Variants in GABRB2 observed in about 807,000 individuals in gnomAD.
GABRB2 encodes the protein gamma-aminobutyric acid type A receptor subunit beta2.
A neutral mutation model predicts 54.7 loss-of-function variants in GABRB2; 16 were observed. The ratio of observed to expected loss-of-function variants is 0.29; its 90% CI spans 0.20 to 0.44. GABRB2 has a LOEUF of 0.44. Ranked by LOEUF, GABRB2 falls within the 20% of genes least tolerant of loss-of-function variation. The pLI, the probability that GABRB2 is intolerant of heterozygous loss-of-function variation, is 1.00. For missense variants in GABRB2, 355 were observed against 644.0 expected (o/e 0.55, Z 4.86); for synonymous variants, 244 against 233.8 (o/e 1.04, Z -0.40).
At chr5:161,493,890 C>T (rs553368004) in intron 3 of GABRB2, among the ~76,000 whole-genome samples, 13 of 151,646 alleles carry the variant, frequency 8.6e-5, no homozygotes, top group Admixed American at 1.3e-4. Flanking sequence ...AATGCATTTG[C>T]TAATGTTGAA....
chr5:161,294,910 A>T (rs537327053), intron 9 of GABRB2, among the ~76,000 whole-genome samples: 1 of 152,354 alleles, frequency 6.6e-6, no homozygotes, highest in East Asian at 1.9e-4. Flanking sequence ...ACTATCAAGT[A>T]CTTGCCATTT....
At chr5:161,411,130 T>G (rs1756506718) in intron 4 of GABRB2, 73 bp from the exon 5 acceptor site, 1 of 1,137,142 alleles carries the variant, frequency 8.8e-7, no homozygotes, top group Non-Finnish European at 1.3e-6. Flanking sequence ...AATCTAAGTA[T>G]CAAAGAAGAG....
At chr5:161,469,558 A>G (rs1758378285) in intron 3 of GABRB2, among the ~76,000 whole-genome samples, 2 of 152,016 alleles carry the variant, frequency 1.3e-5, no homozygotes, top group Admixed American at 1.3e-4. Flanking sequence ...AACAACAAAA[A>G]AGGCAACCTA....
At chr5:161,457,380 T>C (rs1439402358) in intron 4 of GABRB2, among the ~76,000 whole-genome samples, 2 of 152,154 alleles carry the variant, frequency 1.3e-5, no homozygotes, top group Non-Finnish European at 2.9e-5. Flanking sequence ...GTTTGATTAA[T>C]GACTTAATGA....
At chr5:161,513,386 C>T (rs1296536583) in intron 3 of GABRB2, among the ~76,000 whole-genome samples, 1 of 151,954 alleles carries the variant, frequency 6.6e-6, no homozygotes, top group Non-Finnish European at 1.5e-5. Context: ...AACCTAAGTG[C>T]CCATCAACAG....
intron 3 of GABRB2, among the ~76,000 whole-genome samples, chr5:161,495,488 A>AT (rs959163058): frequency 6.6e-6 from 1 of 151,992 alleles, no homozygotes; most frequent in African/African-American, 2.4e-5. Flanking sequence ...TTTTTTAATG[A>AT]TTTTTTTCTA....
chr5:161,336,648 C>G lies in GABRB2; in HGVS notation c.663G>C (p.Lys221Asn), dbSNP rs777977171. The change falls in exon 6 of 10, where the codon AAG becomes AAC. Residue 221 changes from lysine (K) to asparagine (N), a missense_variant. Physicochemically the swap from Lys to Asn is moderately conservative, Grantham distance 94 (BLOSUM62 0). Transcript: ENST00000393959. ...GATACAAACCTGTGGAAAAAACAAC[C>G]TTCTTGGTGATAAGTTTGTAATCTA... ...SIVDYKLITK[K>N]VVFSTGSYPR... 1.9e-6 allele frequency: 3 copies of G among 1,613,008 alleles called. No homozygotes were observed. The highest frequency in any genetic ancestry group is 2.5e-6 in the Non-Finnish European group (3 of 1,179,476).
intron 3 of GABRB2, among the ~76,000 whole-genome samples, chr5:161,484,502 G>T (rs1012433146): frequency 2.0e-5 from 3 of 151,872 alleles, no homozygotes; most frequent in African/African-American, 7.2e-5. Flanking sequence ...GGGGAGAAAG[G>T]CCTCCAACAG....
chr5:161,459,896 G>C (rs1305160894), intron 3 of GABRB2, 52 bp from the exon 4 acceptor site: 7 of 1,043,196 alleles, frequency 6.7e-6, no homozygotes, highest in Non-Finnish European at 8.8e-6. Context: ...GACAGATCTG[G>C]GGGATAAGCA....
In GABRB2 at chr5:161,545,437, TA is replaced by T. The variant is rs56952727; in HGVS notation, c.170-144del. ...TTTTTCAATTCTCTGCTTTTTTTGT[TA>T]AAAAAAAAAAAAAAAAAGGTAGCAG... On this transcript the variant is annotated intron_variant, in intron 2 of 9. Coordinates refer to ENST00000393959, the MANE Select transcript of GABRB2 (RefSeq NM_001371727.1). 0.28 allele frequency: 91,837 copies of T among 322,464 alleles called. 6,788 individuals are homozygous for T. The highest frequency in any genetic ancestry group is 0.39 in the Admixed American group (7,627 of 19,338). 20.0% of individuals were successfully genotyped at this position (322,464 alleles called of 1,614,324 possible).
chr5:161,499,696 A>T (rs1363893390), intron 3 of GABRB2, among the ~76,000 whole-genome samples: 2 of 152,222 alleles, frequency 1.3e-5, no homozygotes, highest in African/African-American at 4.8e-5. Context: ...CAAGTAATTT[A>T]TCACAATCCC....
At chr5:161,441,754 T>C (rs998928443) in intron 4 of GABRB2, among the ~76,000 whole-genome samples, 8 of 152,194 alleles carry the variant, frequency 5.3e-5, no homozygotes, top group Admixed American at 3.9e-4. Flanking sequence ...CTATAAACAA[T>C]AGAGTCCTAT....
intron 4 of GABRB2, among the ~76,000 whole-genome samples, chr5:161,412,728 G>A (rs574116270): frequency 5.3e-5 from 8 of 151,992 alleles, no homozygotes; most frequent in Non-Finnish European, 5.9e-5. Flanking sequence ...CCTAGAACAC[G>A]TGTCTCCCTG....
At chr5:161,483,617 G>C (rs1042312940) in intron 3 of GABRB2, among the ~76,000 whole-genome samples, 4 of 151,948 alleles carry the variant, frequency 2.6e-5, no homozygotes, top group African/African-American at 9.7e-5. Context: ...TTCTGGTTCA[G>C]AAAGGCCTAC....
chr5:161,444,604 T>C (rs2016479933), intron 4 of GABRB2, among the ~76,000 whole-genome samples: 1 of 152,172 alleles, frequency 6.6e-6, no homozygotes, highest in Non-Finnish European at 1.5e-5. Flanking sequence ...TGCACTTAAT[T>C]TATAATTTGG....
intron 8 of GABRB2, among the ~76,000 whole-genome samples, chr5:161,327,516 C>T (rs1350766417): frequency 6.6e-6 from 1 of 151,990 alleles, no homozygotes; most frequent in Non-Finnish European, 1.5e-5. Flanking sequence ...GGCACATAGG[C>T]TTTTACGTCA....
chr5:161,487,578 A>G (rs1057325471), intron 3 of GABRB2, among the ~76,000 whole-genome samples: 2 of 151,930 alleles, frequency 1.3e-5, no homozygotes, highest in African/African-American at 4.8e-5. Context: ...CTTCCTATCA[A>G]GCCCATGCAT....
intron 9 of GABRB2, among the ~76,000 whole-genome samples, chr5:161,313,931 G>A (rs571374570): frequency 6.6e-6 from 1 of 152,174 alleles, no homozygotes; most frequent in Non-Finnish European, 1.5e-5. Flanking sequence ...AAGAGGATTA[G>A]TTTAATAAAT....
chr5:161,545,553 T>TAGACAGAGCTGGAATC (rs1760957009), intron 2 of GABRB2, among the ~76,000 whole-genome samples: 1 of 151,906 alleles, frequency 6.6e-6, no homozygotes, highest in Non-Finnish European at 1.5e-5. Flanking sequence ...TATGCATATG[T>TAGACAGAGCTGGAATC]CTCAGCATGT....
Sources: allele counts gnomAD v4.1 joint callset (sites outside exome capture counted in the v4.1 genomes callset), GRCh38; gene constraint gnomAD v4.1.1; transcripts MANE v1.5; gene names NCBI Gene and HGNC (gene_info 2026-07-23, HGNC 2026-07-21).